C14orf119: variants seen among roughly 807,000 people sequenced by gnomAD.
The protein encoded by C14orf119 is uncharacterized protein C14orf119.
C14orf119 carries 17 observed loss-of-function variants against 13.5 expected under a neutral mutation model. The ratio of observed to expected loss-of-function variants is 1.26; its 90% CI spans 0.86 to 1.88. The LOEUF (loss-of-function observed/expected upper bound fraction) is 1.88. Ranked by LOEUF, C14orf119 falls within the 40% of genes most tolerant of loss-of-function variation. The pLI is 0.00. For missense variants in C14orf119, 162 were observed against 165.9 expected, an observed-to-expected ratio of 0.98 and a Z score of 0.13; for synonymous variants, 61 against 61.9, an observed-to-expected ratio of 0.99 and a Z score of 0.07.
Position 23,097,785 on chromosome 14 carries a change from C to A in C14orf119, c.127C>A (p.Leu43Ile). Reference sequence around the variant, plus strand: ...CACCTCCCAGGAGATGAAGTGTATTCTTCACTGGTTTGCCAATTGGTCAGG... The same window carrying A: ...CACCTCCCAGGAGATGAAGTGTATTATTCACTGGTTTGCCAATTGGTCAGG... ...YITSQEMKCI[L>I]HWFANWSGPQ... The change falls in exon 2 of 2, where the codon CTT becomes ATT. Residue 43 changes from leucine to isoleucine, a missense_variant. Transcript: ENST00000319074. The A allele has an allele frequency of 6.2e-7, 1 of 1,614,220 alleles. No homozygotes were observed. Among genetic ancestry groups the A allele is most frequent in the South Asian group, 1.1e-5 (1 of 91,086 alleles).
Position 23,097,734 on chromosome 14 carries a change from C to T in C14orf119, c.76C>T (p.Pro26Ser). The change falls in exon 2 of 2, where the codon CCT becomes TCT. Residue 26 changes from proline to serine, a missense_variant. Coordinates refer to ENST00000319074, the MANE Select transcript of C14orf119 (RefSeq NM_017924.4). ...LLPSVPHNTN[P>S]SPPLMSYITS... ...ACCCTCAGTACCACACAATACTAAC[C>T]CTTCCCCTCCTCTGATGTCTTACAT... The T allele has an allele frequency of 1.2e-6, 2 of 1,613,986 alleles. No homozygotes were observed. The highest frequency in any genetic ancestry group is 1.7e-6 in the Non-Finnish European group (2 of 1,179,856).
chr14:23,097,554 T>C (rs1433772969), intron 1 of C14orf119, 104 bp from the exon 2 acceptor site: 2 of 1,022,988 alleles, frequency 2.0e-6, no homozygotes, highest in African/African-American at 3.2e-5. Context: ...AAAAGTAATT[T>C]TCTCTGTAGA....
At chr14:23,096,117 CACAG>C (rs1170149641) in intron 1 of C14orf119, among the ~76,000 whole-genome samples, 1 of 152,198 alleles carries the variant, frequency 6.6e-6, no homozygotes. Context: ...TAAAATAGGT[CACAG>C]ACAAATAGTT....
Position 23,097,799 on chromosome 14 carries a change from C to CAATT in C14orf119, c.142_145dup (p.Trp49Ter). On this transcript the variant is annotated frameshift_variant, in exon 2 of 2. Transcript: ENST00000319074. LOFTEE classifies it high-confidence loss of function. Reference sequence around the variant, plus strand: ...TGAAGTGTATTCTTCACTGGTTTGCCAATTGGTCAGGTCCCCAGCGTGAAC... The same window carrying CAATT: ...TGAAGTGTATTCTTCACTGGTTTGCCAATTAATTGGTCAGGTCCCCAGCGTGAAC... 6.2e-7 allele frequency: 1 copy of CAATT among 1,614,120 alleles called. No individual in the cohort carries two copies. The highest frequency in any genetic ancestry group is 8.5e-7 in the Non-Finnish European group (1 of 1,180,028).
rs2048403874 is a variant in C14orf119, at chr14:23,098,477, T to C, written c.*396T>C. Reference sequence around the variant, plus strand: ...TAAGACAGGACAATAAAAGGTGGCGTTTTTGTACTTTACCTGGATTCCATT... The same window carrying C: ...TAAGACAGGACAATAAAAGGTGGCGCTTTTGTACTTTACCTGGATTCCATT... On this transcript the variant is annotated 3_prime_UTR_variant, in exon 2 of 2. Coordinates refer to ENST00000319074, the MANE Select transcript of C14orf119 (RefSeq NM_017924.4). The C allele has an allele frequency of 5.1e-6, 1 of 195,154 alleles. No individual in the cohort carries two copies. The highest frequency in any genetic ancestry group is 1.2e-5 in the Non-Finnish European group (1 of 82,864). 12.1% of individuals were successfully genotyped at this position (195,154 alleles called of 1,614,324 possible).
In C14orf119 at chr14:23,095,931, TC is replaced by T. The variant is rs561818190; in HGVS notation, c.-2+314del. ...TGTGGCAAGATTCTGGGAAAGTTCT[TC>T]CTTGCTCCGCAGAAGAGAGTAAGTT... On this transcript the variant is annotated intron_variant, in intron 1 of 1. Transcript: ENST00000319074. Among the ~76,000 whole-genome samples the T allele has an allele frequency of 4.6e-5, 7 of 152,358 alleles. No individual in the cohort carries two copies. The South Asian group carries it at 1.2e-3, about 27-fold the overall frequency.
At position 23,099,704 on chromosome 14, in the gene C14orf119, C is replaced by T. The variant is rs567646613; in HGVS notation, c.*1623C>T. 115 of 335,820 alleles carry T rather than the reference C, an allele frequency of 3.4e-4. No homozygotes were observed. The highest frequency in any genetic ancestry group is 5.4e-4 in the Non-Finnish European group (97 of 178,502). 20.8% of individuals were successfully genotyped at this position (335,820 alleles called of 1,614,324 possible). A position where few individuals can be genotyped will look rare whatever the true frequency, so the allele number is the denominator to read the frequency against. ...CCTTCCGAATAGCTGGGACTACAGG[C>T]GCACGCCGCACCACCACGTCTGGCT... On this transcript the variant is annotated 3_prime_UTR_variant, in exon 2 of 2. Coordinates refer to ENST00000319074, the MANE Select transcript of C14orf119 (RefSeq NM_017924.4).
At position 23,098,065 on chromosome 14, in the gene C14orf119, C is replaced by A; in HGVS notation, c.407C>A (p.Thr136Lys). 6.2e-7 allele frequency: 1 copy of A among 1,613,828 alleles called. No homozygotes were observed. Residue 136 changes from threonine (T) to lysine (K), a missense_variant, in exon 2 of 2, where the codon ACA (threonine) becomes AAA (lysine). Thr to Lys is a moderately conservative substitution (Grantham distance 78, BLOSUM62 -1). Coordinates refer to ENST00000319074, the MANE Select transcript of C14orf119 (RefSeq NM_017924.4). ...VAKFYQAVAA[T>K]AGKD ...AAGTTTTACCAAGCAGTGGCTGCTA[C>A]AGCTGGTAAGGACTGATAGGCATTC... is the stretch of plus-strand genomic sequence containing the variant.
Position 23,098,256 on chromosome 14 carries a change from C to A in C14orf119, c.*175C>A. On this transcript the variant is annotated 3_prime_UTR_variant, in exon 2 of 2. Coordinates refer to ENST00000319074, the MANE Select transcript of C14orf119 (RefSeq NM_017924.4). ...CAACATTAATAGCATGTCAACTGGA[C>A]TCCTATTTGTAAATGTTATCAATCT... The A allele has an allele frequency of 3.1e-6, 2 of 643,368 alleles. No individual in the cohort carries two copies. Among genetic ancestry groups the A allele is most frequent in the African/African-American group, 1.8e-5 (1 of 54,564 alleles). The allele number at this position is 643,368 out of a possible 1,614,324, so 39.9% of individuals were successfully genotyped here.
Position 23,097,746 on chromosome 14 carries a change from C to T in C14orf119, c.88C>T (p.Leu30=). The change falls in exon 2 of 2, where the codon CTG becomes TTG. Residue 30 remains leucine, a synonymous_variant. Transcript: ENST00000319074. ...ACACAATACTAACCCTTCCCCTCCT[C>T]TGATGTCTTACATCACCTCCCAGGA... ...VPHNTNPSPP[L]MSYITSQEMK... is the part of the protein sequence containing the mutation. The T allele has an allele frequency of 6.2e-7, 1 of 1,614,048 alleles. No homozygotes were observed. The highest frequency in any genetic ancestry group is 8.5e-7 in the Non-Finnish European group (1 of 1,179,866).
In C14orf119 at chr14:23,097,790, C is replaced by T; in HGVS notation, c.132C>T (p.His44=). The T allele has an allele frequency of 6.2e-7, 1 of 1,614,214 alleles. No homozygotes were observed. ...ITSQEMKCIL[H]WFANWSGPQR... is the part of the protein sequence containing the mutation. Reference sequence around the variant, plus strand: ...CCCAGGAGATGAAGTGTATTCTTCACTGGTTTGCCAATTGGTCAGGTCCCC... The same window carrying T: ...CCCAGGAGATGAAGTGTATTCTTCATTGGTTTGCCAATTGGTCAGGTCCCC... The change falls in exon 2 of 2, where the codon CAC becomes CAT. Residue 44 remains histidine (H), a synonymous_variant. Transcript: ENST00000319074.
At position 23,098,941 on chromosome 14, in the gene C14orf119, C is replaced by T; in HGVS notation, c.*860C>T. Reference sequence around the variant, plus strand: ...TTGGCCTCCCAAAGTGCTGGGATTACAGGCATGAACCATCATACCTGGCCT... The same window carrying T: ...TTGGCCTCCCAAAGTGCTGGGATTATAGGCATGAACCATCATACCTGGCCT... On this transcript the variant is annotated 3_prime_UTR_variant, in exon 2 of 2. Transcript: ENST00000319074. The T allele has an allele frequency of 5.6e-6, 1 of 178,088 alleles. No homozygotes were observed. The allele number at this position is 178,088 out of a possible 1,614,324, so 11.0% of individuals were successfully genotyped here.
At chr14:23,095,723 C>G (rs1000883684) in intron 1 of C14orf119, 104 bp downstream of exon 1, 2 of 169,436 alleles carry the variant, frequency 1.2e-5, no homozygotes, top group African/African-American at 4.8e-5. Context: ...AGCTTCTGCC[C>G]TCTGTCCTCT....
In C14orf119 at chr14:23,099,077, A is replaced by C. The variant is rs3742485; in HGVS notation, c.*996A>C. ...TAAGTGACAATTTACAGGTTGAACA[A>C]TTTATTTTTGTACCAAAATAAAGAA... On this transcript the variant is annotated 3_prime_UTR_variant, in exon 2 of 2. Transcript: ENST00000319074. The C allele has an allele frequency of 2.6e-6, 1 of 389,752 alleles. No homozygotes were observed. Among genetic ancestry groups the C allele is most frequent in the Non-Finnish European group, 4.7e-6 (1 of 211,928 alleles). The allele number at this position is 389,752 out of a possible 1,614,324, so 24.1% of individuals were successfully genotyped here.
In C14orf119 at chr14:23,098,388, A is replaced by G; in HGVS notation, c.*307A>G. On this transcript the variant is annotated 3_prime_UTR_variant, in exon 2 of 2. Coordinates refer to ENST00000319074, the MANE Select transcript of C14orf119 (RefSeq NM_017924.4). ...AGCTATAACCACAAGGAACCTACAC[A>G]TTGTAACTCAAGTCCACTGCTGGCT... 1 of 307,970 alleles carries G rather than the reference A, an allele frequency of 3.2e-6. No individual in the cohort carries two copies. Among genetic ancestry groups the G allele is most frequent in the Non-Finnish European group, 6.6e-6 (1 of 152,486 alleles). The allele number at this position is 307,970 out of a possible 1,614,324, so 19.1% of individuals were successfully genotyped here.
rs527970115 is a variant in C14orf119 at position 23,099,434 on chromosome 14, C to G, written c.*1353C>G. 2.4e-6 allele frequency: 1 copy of G among 413,438 alleles called. No individual in the cohort carries two copies. Among genetic ancestry groups the G allele is most frequent in the Non-Finnish European group, 4.4e-6 (1 of 226,154 alleles). 25.6% of individuals were successfully genotyped at this position (413,438 alleles called of 1,614,324 possible). ...AGGATTAGCAGCATTAGGCAGAGTC[C>G]CATGGACAGCCTTAGGTGGGTCATG... On this transcript the variant is annotated 3_prime_UTR_variant, in exon 2 of 2. Transcript: ENST00000319074.
chr14:23,099,636 C>A lies in C14orf119; in HGVS notation c.*1555C>A. On this transcript the variant is annotated 3_prime_UTR_variant, in exon 2 of 2. Transcript: ENST00000319074. The stretch of plus-strand genomic sequence containing the variant: ...GTGCAGTGGTGTGATCTTGGCTCAC[C>A]GTAATCTCCGCCTCCCAGGCTCAAG... The A allele has an allele frequency of 2.6e-6, 1 of 381,844 alleles. No homozygotes were observed. The highest frequency in any genetic ancestry group is 6.8e-4 in the Middle Eastern group (1 of 1,478). The allele number at this position is 381,844 out of a possible 1,614,324, so 23.7% of individuals were successfully genotyped here.
intron 1 of C14orf119, among the ~76,000 whole-genome samples, chr14:23,095,974 T>C (rs1296999626): frequency 6.6e-6 from 1 of 152,234 alleles, no homozygotes; most frequent in Non-Finnish European, 1.5e-5. Flanking sequence ...GAGGAACTGC[T>C]TCCTGTAGGG....
intron 1 of C14orf119, 50 bp from the exon 2 acceptor site, chr14:23,097,608 A>G (rs2048395107): frequency 6.6e-7 from 1 of 1,518,892 alleles, no homozygotes; most frequent in African/African-American, 1.4e-5. Flanking sequence ...TGAAAGTTGT[A>G]TTTTCGTTGC....
Sources: allele counts gnomAD v4.1 joint callset (sites outside exome capture counted in the v4.1 genomes callset), GRCh38; gene constraint gnomAD v4.1.1; transcripts MANE v1.5; gene names NCBI Gene and HGNC (gene_info 2026-07-23, HGNC 2026-07-21).